The following AR variants were observed in gnomAD, a reference collection of about 807,000 sequenced individuals.
The protein encoded by AR is androgen receptor, also known as dihydrotestosterone receptor.
In AR, 8 loss-of-function variants were observed where a neutral mutation model predicts 53.9. That is an observed-to-expected ratio of 0.15 (90% CI 0.09 to 0.27). AR has a LOEUF of 0.27. AR is among the 10% of genes least tolerant of loss of function. The pLI is 1.00. For synonymous variants in AR, 359 were observed against 316.4 expected (o/e 1.13, Z -1.43); for missense variants, 639 against 742.5 (o/e 0.86, Z 1.62).
chrX:67,695,738 AACACACAC>A (rs760106489), intron 3 of AR: 12 of 679,948 alleles, frequency 1.8e-5, no homozygotes, highest in East Asian at 2.0e-4. Context: ...AGTCTGTCTA[AACACACAC>A]ACACACACAC....
chrX:67,705,598 C>T (rs1456453397), intron 3 of AR, among the ~76,000 whole-genome samples: 1 of 111,561 alleles, frequency 9.0e-6, no homozygotes, highest in Non-Finnish European at 1.9e-5. Context: ...CAAACAGGGA[C>T]AATTTGACTT....
At position 67,675,225 on chromosome X, in the gene AR, G is replaced by A. The variant is rs2075892489; in HGVS notation, c.1769-10785G>A. ...TCCTGTCTTCAAGCAGAAGGAATGA[G>A]TCCGCCCTGGAGTTGGGAGCTGCAT... On this transcript the variant is annotated intron_variant, in intron 2 of 7. Coordinates refer to ENST00000374690, the MANE Select transcript of AR (RefSeq NM_000044.6). Among the ~76,000 whole-genome samples, 5 of 108,095 alleles carry A rather than the reference G, an allele frequency of 4.6e-5. No individual in the cohort carries two copies. In the Admixed American group the frequency reaches 5.0e-4, roughly 11 times the overall value. 93.9% of individuals were successfully genotyped at this position (108,095 alleles called of 115,157 possible).
At chrX:67,654,285 C>T (rs780381084) in intron 2 of AR, among the ~76,000 whole-genome samples, 1 of 111,256 alleles carries the variant, frequency 9.0e-6, no homozygotes, top group Non-Finnish European at 1.9e-5. Flanking sequence ...ATACTTGCAG[C>T]GTCCCTGGGT....
intron 2 of AR, among the ~76,000 whole-genome samples, chrX:67,648,764 G>T (rs764255979): frequency 6.2e-5 from 7 of 112,059 alleles, no homozygotes; most frequent in Non-Finnish European, 1.3e-4. Flanking sequence ...CATAGCACTT[G>T]CACCATTATG....
At chrX:67,577,928 G>A (rs1215143424) in intron 1 of AR, among the ~76,000 whole-genome samples, 1 of 111,560 alleles carries the variant, frequency 9.0e-6, no homozygotes, top group Non-Finnish European at 1.9e-5. Flanking sequence ...CATTTGCGTT[G>A]TTCTACTGGT....
intron 3 of AR, among the ~76,000 whole-genome samples, chrX:67,687,973 T>C (rs888461382): frequency 8.9e-6 from 1 of 112,609 alleles, no homozygotes; most frequent in African/African-American, 3.2e-5. Flanking sequence ...ATAGTTTCAC[T>C]ATACTATATA....
chrX:67,586,584 A>G (rs1922557188), intron 1 of AR, among the ~76,000 whole-genome samples: 1 of 112,430 alleles, frequency 8.9e-6, no homozygotes, highest in South Asian at 3.6e-4. Context: ...AAATGTTTGA[A>G]GGTTGAGTGA....
chrX:67,720,202 C>T (rs1156755987), intron 5 of AR, among the ~76,000 whole-genome samples: 1 of 111,365 alleles, frequency 9.0e-6, no homozygotes, highest in Non-Finnish European at 1.9e-5. Flanking sequence ...ACCTTGTTCT[C>T]TTCCTAAATT....
At chrX:67,580,241 C>G (rs774303796) in intron 1 of AR, among the ~76,000 whole-genome samples, 1 of 109,912 alleles carries the variant, frequency 9.1e-6, no homozygotes, top group Non-Finnish European at 1.9e-5. Flanking sequence ...CAAACCCTAA[C>G]GAAAAAATTT....
intron 1 of AR, among the ~76,000 whole-genome samples, chrX:67,626,484 AG>A: frequency 1.4e-5 from 1 of 71,393 alleles, no homozygotes; most frequent in Middle Eastern, 0.015. Flanking sequence ...GCTGTCTCCC[AG>A]GCTGGACTGC....
At chrX:67,716,921 T>G (rs1156267226) in intron 4 of AR, among the ~76,000 whole-genome samples, 1 of 112,028 alleles carries the variant, frequency 8.9e-6, no homozygotes, top group Admixed American at 9.4e-5. Flanking sequence ...GCTTTGTAAC[T>G]TGGTCTGCCA....
intron 3 of AR, among the ~76,000 whole-genome samples, chrX:67,708,325 G>C (rs766388400): frequency 9.0e-6 from 1 of 111,432 alleles, no homozygotes; most frequent in Non-Finnish European, 1.9e-5. Context: ...ATATTTCTTG[G>C]AGGCTTTGTT....
chrX:67,642,332 A>T (rs1426993798), intron 1 of AR, among the ~76,000 whole-genome samples: 2 of 111,520 alleles, frequency 1.8e-5, no homozygotes, highest in East Asian at 2.8e-4. Context: ...TCAAACTTGA[A>T]TTTTTTACTA....
chrX:67,676,700 T>C (rs1424133739), intron 2 of AR, among the ~76,000 whole-genome samples: 1 of 111,903 alleles, frequency 8.9e-6, no homozygotes, highest in Non-Finnish European at 1.9e-5. Context: ...TGGCATTTGG[T>C]AACAGGGCAG....
Position 67,545,313 on chromosome X carries a change from TGCTGCAGCA to T in AR, c.170_178del (p.Leu57_Gln59del), listed in dbSNP as rs766952703. 8.1e-5 allele frequency: 89 copies of T among 1,099,059 alleles called. No individual in the cohort carries two copies. Among genetic ancestry groups the T allele is most frequent in the African/African-American group, 3.0e-4 (14 of 46,483 alleles). The allele number at this position is 1,099,059 out of a possible 1,213,427, so 90.6% of individuals were successfully genotyped here. On this transcript the variant is annotated inframe_deletion, in exon 1 of 8. Transcript: ENST00000374690. ...GCACCTCCCGGCGCCAGTTTGCTGCTGCTGCAGCAGCAGCAGCAGCAGCAGCAGCAGCAG... is the reference window on the plus strand; with the variant it reads ...GCACCTCCCGGCGCCAGTTTGCTGCTGCAGCAGCAGCAGCAGCAGCAGCAG...
At chrX:67,626,490 G>A (rs1209633257) in intron 1 of AR, among the ~76,000 whole-genome samples, 2 of 85,638 alleles carry the variant, frequency 2.3e-5, no homozygotes, top group African/African-American at 8.7e-5. Context: ...TCCCAGGCTG[G>A]ACTGCAGTGG....
At position 67,617,304 on chromosome X, in the gene AR, A is replaced by G. The variant is rs112349426; in HGVS notation, c.1617-25952A>G. The stretch of plus-strand genomic sequence containing the variant: ...TTCTAAATTTTTGTATGAGTGTTTC[A>G]TGCATGCCCACCACCATGGAAGCTA... On this transcript the variant is annotated intron_variant, in intron 1 of 7. Transcript: ENST00000374690. Among the ~76,000 whole-genome samples, 316 of 111,626 alleles carry G rather than the reference A, an allele frequency of 2.8e-3. 1 individual carries two copies. The highest frequency in any genetic ancestry group is 9.7e-3 in the African/African-American group (299 of 30,736).
chrX:67,572,873 T>C (rs1231970470), intron 1 of AR, among the ~76,000 whole-genome samples: 1 of 111,758 alleles, frequency 8.9e-6, no homozygotes, highest in Non-Finnish European at 1.9e-5. Context: ...ATTGGTCCTT[T>C]CCAGGAACAA....
chrX:67,669,609 C>T (rs1369937599), intron 2 of AR, among the ~76,000 whole-genome samples: 2 of 111,333 alleles, frequency 1.8e-5, no homozygotes, highest in Admixed American at 1.9e-4. Context: ...ATTTTTCTGT[C>T]TGGATGATCT....
Sources: allele counts gnomAD v4.1 joint callset (sites outside exome capture counted in the v4.1 genomes callset), GRCh38; gene constraint gnomAD v4.1.1; transcripts MANE v1.5; gene names NCBI Gene and HGNC (gene_info 2026-07-23, HGNC 2026-07-21).